The following NALF1 variants were observed in gnomAD, a reference collection of about 807,000 sequenced individuals.
NALF1 encodes family with sequence similarity 155 member A.
NALF1 carries 3 observed loss-of-function variants against 48.4 expected under a neutral mutation model. That is an observed-to-expected ratio of 0.06 (90% CI 0.03 to 0.16). NALF1 has a LOEUF of 0.16. Among genes scored for constraint, NALF1 ranks in the 10% least tolerant of loss-of-function variants. NALF1 has a pLI of 1.00. For missense variants in NALF1, 526 were observed against 571.5 expected (o/e 0.92, Z 0.81); for synonymous variants, 262 against 245.7 (o/e 1.07, Z -0.62).
chr13:107,545,480 T>C (rs1021477238), intron 1 of NALF1, among the ~76,000 whole-genome samples: 17 of 152,062 alleles, frequency 1.1e-4, no homozygotes, highest in African/African-American at 2.2e-4. Context: ...AGAAAGCCAA[T>C]AGACTACAGC....
intron 1 of NALF1, among the ~76,000 whole-genome samples, chr13:107,372,850 A>T (rs1883270552): frequency 6.6e-6 from 1 of 152,216 alleles, no homozygotes; most frequent in South Asian, 2.1e-4. Flanking sequence ...CATTTAGCTC[A>T]GCATTTCCCA....
chr13:107,192,498 G>A (rs1262286979), intron 2 of NALF1, among the ~76,000 whole-genome samples: 1 of 152,144 alleles, frequency 6.6e-6, no homozygotes, highest in Non-Finnish European at 1.5e-5. Flanking sequence ...TGGACTTCCC[G>A]AGAATAAAGC....
At chr13:107,841,895 T>C (rs554975299) in intron 1 of NALF1, among the ~76,000 whole-genome samples, 21 of 151,970 alleles carry the variant, frequency 1.4e-4, no homozygotes, top group African/African-American at 5.1e-4. Context: ...GAAATATGCA[T>C]CTATATATAA....
chr13:107,557,108 G>A (rs555798127), intron 1 of NALF1, among the ~76,000 whole-genome samples: 20 of 152,134 alleles, frequency 1.3e-4, no homozygotes, highest in African/African-American at 4.8e-4. Flanking sequence ...GGTAGTATCT[G>A]TTCTTTAGTC....
At chr13:107,242,336 G>A (rs1046032795) in intron 1 of NALF1, among the ~76,000 whole-genome samples, 5 of 152,196 alleles carry the variant, frequency 3.3e-5, no homozygotes, top group African/African-American at 1.2e-4. Context: ...CTCATGCTGG[G>A]AAGGCCCTTC....
chr13:107,518,554 A>G (rs1876136171), intron 1 of NALF1, among the ~76,000 whole-genome samples: 1 of 152,068 alleles, frequency 6.6e-6, no homozygotes, highest in Non-Finnish European at 1.5e-5. Context: ...GTGTCAGTCA[A>G]TTTTCTAAGT....
intron 1 of NALF1, among the ~76,000 whole-genome samples, chr13:107,864,661 A>G (rs528104283): frequency 6.6e-6 from 1 of 152,346 alleles, no homozygotes; most frequent in African/African-American, 2.4e-5. Context: ...TACTGTCATT[A>G]CATCTTCCCT....
intron 1 of NALF1, among the ~76,000 whole-genome samples, chr13:107,272,724 C>T (rs1881201590): frequency 6.6e-6 from 1 of 152,082 alleles, no homozygotes; most frequent in Admixed American, 6.6e-5. Context: ...ATATTTTCAG[C>T]CATCCAAAGG....
intron 1 of NALF1, among the ~76,000 whole-genome samples, chr13:107,339,457 G>A (rs1245817400): frequency 2.0e-5 from 3 of 151,934 alleles, no homozygotes; most frequent in Admixed American, 6.6e-5. Flanking sequence ...TGATTTTGTT[G>A]GTCTGAGATA....
Position 107,358,537 on chromosome 13 carries a change from C to T in NALF1, c.916-147782G>A, listed in dbSNP as rs1031766253. Among the ~76,000 whole-genome samples, 3 of 152,258 alleles carry T rather than the reference C, an allele frequency of 2.0e-5. No individual in the cohort carries two copies. In the East Asian group the frequency reaches 5.8e-4, roughly 29 times the overall value. On this transcript the variant is annotated intron_variant, in intron 1 of 2. Coordinates refer to ENST00000375915, the MANE Select transcript of NALF1 (RefSeq NM_001080396.3). ...GAAGAGATTTGTGAAGCAAATAGAA[C>T]TGTTTGGAACACTAGGCCTCATTGT...
At chr13:107,463,414 G>T (rs1884951139) in intron 1 of NALF1, among the ~76,000 whole-genome samples, 1 of 152,086 alleles carries the variant, frequency 6.6e-6, no homozygotes. Flanking sequence ...TCTGGGAGAG[G>T]GTACAGAATA....
chr13:107,766,331 G>A (rs1438446177), intron 1 of NALF1, among the ~76,000 whole-genome samples: 3 of 152,150 alleles, frequency 2.0e-5, no homozygotes, highest in African/African-American at 7.2e-5. Flanking sequence ...ATGCTGCTTT[G>A]CAAAAGAATA....
At chr13:107,582,354 G>A (rs999814604) in intron 1 of NALF1, among the ~76,000 whole-genome samples, 2 of 152,150 alleles carry the variant, frequency 1.3e-5, no homozygotes, top group African/African-American at 4.8e-5. Flanking sequence ...TGACAGTGAC[G>A]CCAGAAATAC....
chr13:107,623,838 A>C (rs1180457452), intron 1 of NALF1, among the ~76,000 whole-genome samples: 1 of 152,250 alleles, frequency 6.6e-6, no homozygotes, highest in Non-Finnish European at 1.5e-5. Flanking sequence ...CAGGGGCTCA[A>C]GAAAGGAAAG....
rs1555323652 is a variant in NALF1 at position 107,756,435 on chromosome 13, C to CTCTATATATATATATA, written c.915+109246_915+109247insTATATATATATATAGA. Among the ~76,000 whole-genome samples, 20 of 141,088 alleles carry CTCTATATATATATATA rather than the reference C, an allele frequency of 1.4e-4. 1 individual carries two copies. In the South Asian group the frequency reaches 4.5e-3, roughly 32 times the overall value. The allele number at this position is 141,088 out of a possible 152,430, so 92.6% of individuals were successfully genotyped here. A position where few individuals can be genotyped will look rare whatever the true frequency, so the allele number is the denominator to read the frequency against. On this transcript the variant is annotated intron_variant, in intron 1 of 2. Coordinates refer to ENST00000375915, the MANE Select transcript of NALF1 (RefSeq NM_001080396.3). ...ACTAAATATTAAATAAGTTTAATGG[C>CTCTATATATATATATA]TATATATATATATATATATAAAGCA...
At chr13:107,707,879 T>C (rs1344305104) in intron 1 of NALF1, among the ~76,000 whole-genome samples, 1 of 152,132 alleles carries the variant, frequency 6.6e-6, no homozygotes, top group Non-Finnish European at 1.5e-5. Flanking sequence ...ATATTTTCTG[T>C]TTACTCCAAT....
At position 107,519,366 on chromosome 13, in the gene NALF1, A is replaced by G. The variant is rs1257851361; in HGVS notation, c.916-308611T>C. Among the ~76,000 whole-genome samples, 3 of 18,452 alleles carry G rather than the reference A, an allele frequency of 1.6e-4. 1 individual carries two copies. Among genetic ancestry groups the G allele is most frequent in the African/African-American group, 2.9e-4 (3 of 10,176 alleles). The allele number at this position is 18,452 out of a possible 152,430, so 12.1% of individuals were successfully genotyped here. On this transcript the variant is annotated intron_variant, in intron 1 of 2. Transcript: ENST00000375915. ...TGTATCAGAGGATCCGGGAGGAGGA[A>G]AAAAAAAAAAACTTTTCAAAGAAAA... is the stretch of plus-strand genomic sequence containing the variant.
At chr13:107,501,938 T>C (rs1875538586) in intron 1 of NALF1, among the ~76,000 whole-genome samples, 1 of 152,112 alleles carries the variant, frequency 6.6e-6, no homozygotes. Flanking sequence ...GCAGAAAAAA[T>C]ATCCTCTCAT....
chr13:107,726,959 G>T (rs1482253214), intron 1 of NALF1, among the ~76,000 whole-genome samples: 1 of 146,290 alleles, frequency 6.8e-6, no homozygotes, highest in Non-Finnish European at 1.5e-5. Context: ...GTGTGTGTGT[G>T]TGTGAAATGA....
Sources: gnomAD v4.1 joint callset for allele counts (sites outside exome capture counted in the v4.1 genomes callset) on GRCh38, gnomAD v4.1.1 for gene constraint, MANE v1.5 for transcripts, NCBI Gene and HGNC (gene_info 2026-07-23, HGNC 2026-07-21) for gene names.